Variants in MGA observed in about 807,000 individuals in gnomAD.
MGA encodes MAX gene-associated protein.
In MGA, 40 loss-of-function variants were observed where a neutral mutation model predicts 261.1. That is an observed-to-expected ratio of 0.15 (90% confidence interval 0.12 to 0.20). The LOEUF is 0.20. Among genes scored for constraint, MGA ranks in the 10% least tolerant of loss-of-function variants. MGA has a pLI of 1.00. For synonymous variants in MGA, 1,302 were observed against 1,290.6 expected (o/e 1.01, Z -0.19); for missense variants, 3,397 against 3,630.5 (o/e 0.94, Z 1.65).
intron 1 of MGA, among the ~76,000 whole-genome samples, chr15:41,624,726 T>C (rs1039074125): frequency 6.6e-6 from 1 of 152,166 alleles, no homozygotes; most frequent in African/African-American, 2.4e-5. Context: ...CATCTCGGCC[T>C]CCTAAAGTGC....
At chr15:41,760,093 C>G in intron 19 of MGA, 1 of 465,606 alleles carries the variant, frequency 2.1e-6, no homozygotes, top group South Asian at 3.2e-5. Flanking sequence ...GAAATTTGAA[C>G]TGAGAGCTGG....
At chr15:41,658,149 T>C (rs1324532119), upstream of MGA, among the ~76,000 whole-genome samples, 1 of 152,204 alleles carries the variant, frequency 6.6e-6, no homozygotes, top group Non-Finnish European at 1.5e-5. Flanking sequence ...CTCTCTAGTT[T>C]TTTGTTTGTT....
chr15:41,671,713 T>C (rs1451301858), intron 2 of MGA, among the ~76,000 whole-genome samples: 1 of 152,220 alleles, frequency 6.6e-6, no homozygotes, highest in Non-Finnish European at 1.5e-5. Context: ...ACTTTCCTTT[T>C]CTTGCTAAAA....
intron 11 of MGA, among the ~76,000 whole-genome samples, chr15:41,731,647 A>G (rs1366263183): frequency 6.6e-6 from 1 of 152,230 alleles, no homozygotes; most frequent in Admixed American, 6.5e-5. Context: ...ATTTTTAAGA[A>G]GGACAAACTT....
At chr15:41,752,549 G>GT (rs35282917) in intron 17 of MGA, among the ~76,000 whole-genome samples, 25,785 of 102,024 alleles carry the variant, frequency 0.25, 3,525 homozygotes, top group Admixed American at 0.3. Flanking sequence ...AACCTTTAAA[G>GT]TTTTTTTTTT....
intron 9 of MGA, among the ~76,000 whole-genome samples, chr15:41,714,584 A>C (rs931021302): frequency 2.6e-5 from 4 of 152,008 alleles, no homozygotes; most frequent in African/African-American, 4.8e-5. Context: ...GCTCACTGCA[A>C]CCTCCACCTC....
chr15:41,723,563 A>G (rs1393212171), intron 9 of MGA, among the ~76,000 whole-genome samples: 1 of 152,106 alleles, frequency 6.6e-6, no homozygotes, highest in Non-Finnish European at 1.5e-5. Context: ...CTACAGGTAC[A>G]TGCCACCATG....
intron 9 of MGA, among the ~76,000 whole-genome samples, chr15:41,723,957 T>A (rs199767329): frequency 1.3e-5 from 2 of 151,528 alleles, no homozygotes; most frequent in East Asian, 3.9e-4. Context: ...ATTCTTGGTA[T>A]CTTAAGAGTT....
chr15:41,736,439 C>T lies in MGA; in HGVS notation c.4175C>T (p.Ser1392Phe). The T allele has an allele frequency of 6.2e-7, 1 of 1,614,052 alleles. No individual in the cohort carries two copies. Among genetic ancestry groups the T allele is most frequent in the Non-Finnish European group, 8.5e-7 (1 of 1,179,894 alleles). Residue 1392 changes from serine to phenylalanine, a missense_variant, in exon 13 of 24, where the codon TCT (serine) becomes TTT (phenylalanine). By Grantham distance (155) the Ser-to-Phe change is radical. Transcript: ENST00000219905. ...GGTGAGAAGAACCCTCCTGTTTATTCTTCTCGTGTGAAAATCTCTATGCCA... is the reference window on the plus strand; with the variant it reads ...GGTGAGAAGAACCCTCCTGTTTATTTTTCTCGTGTGAAAATCTCTATGCCA...
chr15:41,669,188 C>T lies in MGA; in HGVS notation c.294C>T (p.Thr98=). 1 of 1,613,968 alleles carries T rather than the reference C, an allele frequency of 6.2e-7. No homozygotes were observed. Among genetic ancestry groups the T allele is most frequent in the Non-Finnish European group, 8.5e-7 (1 of 1,179,890 alleles). ...ATCGAAGCACAGAGATGATTCTGAC[C>T]AAGCAAGGAAGACGCATGTTTCCTT... The change falls in exon 2 of 24, where the codon ACC becomes ACT. Residue 98 remains threonine, a synonymous_variant. Coordinates refer to ENST00000219905, the MANE Select transcript of MGA (RefSeq NM_001164273.2).
intron 5 of MGA, among the ~76,000 whole-genome samples, chr15:41,706,086 AATTAGCCGGGC>A: frequency 1.3e-5 from 2 of 151,884 alleles, no homozygotes; most frequent in African/African-American, 4.8e-5. Context: ...AAAATACAAA[AATTAGCCGGGC>A]CTGGTGGCAC....
At chr15:41,661,207 G>A (rs1393907811) in intron 1 of MGA, among the ~76,000 whole-genome samples, 2 of 152,154 alleles carry the variant, frequency 1.3e-5, no homozygotes, top group Non-Finnish European at 2.9e-5. Context: ...GGGAAGAGCA[G>A]GTGTTATTTT....
At chr15:41,738,234 A>G (rs545174058) in intron 13 of MGA, among the ~76,000 whole-genome samples, 59 of 151,864 alleles carry the variant, frequency 3.9e-4, no homozygotes, top group African/African-American at 1.4e-3. Flanking sequence ...CCCCATCTCT[A>G]CTAAAAATAC....
intron 3 of MGA, among the ~76,000 whole-genome samples, chr15:41,698,479 A>G (rs867238501): frequency 6.6e-6 from 1 of 152,072 alleles, no homozygotes; most frequent in Non-Finnish European, 1.5e-5. Flanking sequence ...TTCTTAATTG[A>G]CTACACAGAT....
rs2062768490 is a variant in MGA, at chr15:41,750,452, A to C, written c.6845A>C (p.Gln2282Pro). Reference sequence around the variant, plus strand: ...TTACTGCTACCTGGAGAACAGATACAACCAAAGCAAGAGAAGAAGGGTGGG... The same window carrying C: ...TTACTGCTACCTGGAGAACAGATACCACCAAAGCAAGAGAAGAAGGGTGGG... The change falls in exon 17 of 24, where the codon CAA becomes CCA. Residue 2282 changes from glutamine (Q) to proline (P), a missense_variant. Around this residue, in one of 9 missense-constraint regions of MGA, gnomAD observed 1,410 missense variants for 1,386.4 expected, o/e 1.02. Transcript: ENST00000219905. 3 of 1,613,876 alleles carry C rather than the reference A, an allele frequency of 1.9e-6. No homozygotes were observed. The African/African-American group carries it at 4.0e-5, about 22-fold the overall frequency.
At chr15:41,706,897 C>T (rs1187355650) in intron 5 of MGA, among the ~76,000 whole-genome samples, 1 of 152,150 alleles carries the variant, frequency 6.6e-6, no homozygotes, top group East Asian at 1.9e-4. Flanking sequence ...TCACTTTGAA[C>T]TTCTTTTGGC....
At chr15:41,672,507 C>T (rs143895207) in intron 2 of MGA, among the ~76,000 whole-genome samples, 2 of 152,120 alleles carry the variant, frequency 1.3e-5, no homozygotes, top group Non-Finnish European at 2.9e-5. Flanking sequence ...TATGGTTAAG[C>T]CTTTGATTTT....
At chr15:41,657,339 CTTTTTTTTTTTTTT>C (rs373920516), upstream of MGA, among the ~76,000 whole-genome samples, 20 of 106,916 alleles carry the variant, frequency 1.9e-4, no homozygotes, top group East Asian at 3.9e-4. Flanking sequence ...AGTGAAGGCC[CTTTTTTTTTTTTTT>C]TTTTTTTTTT....
intron 1 of MGA, among the ~76,000 whole-genome samples, chr15:41,650,746 T>C (rs2057025926): frequency 6.6e-6 from 1 of 152,166 alleles, no homozygotes; most frequent in Non-Finnish European, 1.5e-5. Flanking sequence ...CCCTATAGTT[T>C]TTCTTTTGTA....
Sources: allele counts gnomAD v4.1 joint callset (sites outside exome capture counted in the v4.1 genomes callset), GRCh38; gene constraint gnomAD v4.1.1; regional missense constraint gnomAD v4.1.1; transcripts MANE v1.5; gene names NCBI Gene and HGNC (gene_info 2026-07-23, HGNC 2026-07-21).